The following DOK7 variants were observed in gnomAD, a reference collection of about 807,000 sequenced individuals.
DOK7 encodes docking protein 7.
DOK7 carries 32 observed loss-of-function variants against 30.7 expected under a neutral mutation model. That is an observed-to-expected ratio of 1.04 (90% CI 0.79 to 1.40). DOK7 has a LOEUF of 1.40. Ranked by LOEUF, DOK7 falls within the 40% of genes most tolerant of loss-of-function variation. The pLI, the probability that DOK7 is intolerant of heterozygous loss-of-function variation, is 0.00. For synonymous variants in DOK7, 447 were observed against 324.1 expected (o/e 1.38, Z -4.07); for missense variants, 1,007 against 699.2 (o/e 1.44, Z -4.97).
rs202184047 is a variant in DOK7, at chr4:3,468,722, G to A, written c.101-4684G>A. Among the ~76,000 whole-genome samples, 873 of 148,544 alleles carry A rather than the reference G, an allele frequency of 5.9e-3. 10 individuals are homozygous for A. Among genetic ancestry groups the A allele is most frequent in the African/African-American group, 0.019 (759 of 39,756 alleles). ...TCTGTGTATGTGTGTGTATGTGTGC[G>A]TGCCTGTATGTCTGCCTGTGTATGT... On this transcript the variant is annotated intron_variant, in intron 2 of 6. Coordinates refer to ENST00000340083, the MANE Select transcript of DOK7 (RefSeq NM_173660.5).
At chr4:3,468,903 GTC>G (rs750026768) in intron 2 of DOK7, among the ~76,000 whole-genome samples, 8 of 132,404 alleles carry the variant, frequency 6.0e-5, no homozygotes, top group Admixed American at 1.5e-4. Flanking sequence ...ATGTGTGCAT[GTC>G]TGTGTGTGTA....
At chr4:3,469,607 A>G (rs1398048645) in intron 2 of DOK7, among the ~76,000 whole-genome samples, 2 of 152,044 alleles carry the variant, frequency 1.3e-5, no homozygotes, top group Non-Finnish European at 1.5e-5. Flanking sequence ...GCCAGTGGCC[A>G]TCCACTCCTG....
At chr4:3,490,560 A>C (rs1728266615) in intron 6 of DOK7, among the ~76,000 whole-genome samples, 1 of 48,872 alleles carries the variant, frequency 2.0e-5, no homozygotes, top group Admixed American at 3.4e-4. Context: ...CCCCCTGCTC[A>C]TTCGTTTTTT....
chr4:3,467,502 C>T (rs1428324177), intron 2 of DOK7, among the ~76,000 whole-genome samples: 4 of 142,640 alleles, frequency 2.8e-5, no homozygotes, highest in African/African-American at 5.1e-5. Flanking sequence ...CAGGGCTCAT[C>T]CTGGATTCCT....
At position 3,492,872 on chromosome 4, in the gene DOK7, C is replaced by G; in HGVS notation, c.886C>G (p.Gln296Glu). The G allele has an allele frequency of 6.2e-7, 1 of 1,606,484 alleles. No individual in the cohort carries two copies. Among genetic ancestry groups the G allele is most frequent in the Non-Finnish European group, 8.5e-7 (1 of 1,177,772 alleles). ...EQSSSSASTS[Q>E]EGPRPAAAQA... Reference sequence around the variant, plus strand: ...ATCCTCGTCGTCAGCCAGCACGTCACAGGAGGGGCCTAGACCAGCAGCTGC... The same window carrying G: ...ATCCTCGTCGTCAGCCAGCACGTCAGAGGAGGGGCCTAGACCAGCAGCTGC... The change falls in exon 7 of 7, where the codon CAG becomes GAG. Residue 296 changes from glutamine to glutamate, a missense_variant. Transcript: ENST00000340083.
At chr4:3,489,947 C>T (rs1220695766) in intron 6 of DOK7, 151 bp downstream of exon 6, 5 of 1,256,726 alleles carry the variant, frequency 4.0e-6, no homozygotes, top group Admixed American at 2.5e-5. Flanking sequence ...CTTCCCCCAA[C>T]TCCCCGCCCC....
At position 3,493,378 on chromosome 4, in the gene DOK7, C is replaced by A; in HGVS notation, c.1392C>A (p.Ala464=). ...TGGAGGCCCCCCAGGGCAGCGAGGC[C>A]ACACTGCCTGGCCCTGCCCCTGGCG... is the stretch of plus-strand genomic sequence containing the variant. ...LVMEAPQGSE[A]TLPGPAPGEP... is the part of the protein sequence containing the mutation. The change falls in exon 7 of 7, where the codon GCC becomes GCA. Residue 464 remains alanine, a synonymous_variant. Transcript: ENST00000340083. 6.3e-7 allele frequency: 1 copy of A among 1,595,596 alleles called. No individual in the cohort carries two copies. The highest frequency in any genetic ancestry group is 1.7e-5 in the Admixed American group (1 of 57,348).
At chr4:3,495,542 C>T (rs1454780363), downstream of DOK7, among the ~76,000 whole-genome samples, 10 of 152,368 alleles carry the variant, frequency 6.6e-5, no homozygotes, top group African/African-American at 1.2e-4. Context: ...CGTGAGTGGG[C>T]CTCGCTCCGG....
downstream of DOK7, chr4:3,494,502 T>G: frequency 1.0e-6 from 1 of 985,558 alleles, no homozygotes; most frequent in Non-Finnish European, 1.2e-6. Context: ...CCTAGTCCGT[T>G]GCCCAGCCCT....
rs778725252 is a variant in DOK7 at position 3,493,317 on chromosome 4, C to G, written c.1331C>G (p.Ser444Cys). ...GGCCAGACGTCCGCCGGGTGTCCCT[C>G]TGGCTGGCTGGGCACGAGACGGCGG... ...SGGQTSAGCP[S>C]GWLGTRRRGL... is the part of the protein sequence containing the mutation. The change falls in exon 7 of 7, where the codon TCT becomes TGT. Residue 444 changes from serine to cysteine, a missense_variant. Transcript: ENST00000340083. The G allele has an allele frequency of 6.2e-7, 1 of 1,604,092 alleles. No homozygotes were observed. The highest frequency in any genetic ancestry group is 8.5e-7 in the Non-Finnish European group (1 of 1,175,720).
At chr4:3,500,128 G>A (rs1729118940) in intron 6 of DOK7, 1 of 1,216,926 alleles carries the variant, frequency 8.2e-7, no homozygotes. Flanking sequence ...GAACTTCCAA[G>A]GTGCAGGAGA....
chr4:3,464,300 CTG>C (rs1333784623), intron 2 of DOK7, among the ~76,000 whole-genome samples: 1 of 152,200 alleles, frequency 6.6e-6, no homozygotes, highest in Non-Finnish European at 1.5e-5. Context: ...GGACGGGTGT[CTG>C]TGACTCCCAG....
chr4:3,490,541 C>A (rs1435840072), intron 6 of DOK7, among the ~76,000 whole-genome samples: 23 of 90,862 alleles, frequency 2.5e-4, no homozygotes, highest in African/African-American at 7.5e-4. Context: ...TCATTCGTTC[C>A]TTCCTTCTCC....
At chr4:3,482,801 A>G (rs370359266) in intron 4 of DOK7, among the ~76,000 whole-genome samples, 1 of 152,188 alleles carries the variant, frequency 6.6e-6, no homozygotes, top group East Asian at 1.9e-4. Flanking sequence ...AAGGCCGAGC[A>G]CTGGGGGTCT....
chr4:3,470,044 A>G (rs930353697), intron 2 of DOK7, among the ~76,000 whole-genome samples: 1 of 148,966 alleles, frequency 6.7e-6, no homozygotes, highest in African/African-American at 2.5e-5. Flanking sequence ...TCACCCACTG[A>G]GTCCTGGGAG....
At chr4:3,500,999 G>A (rs1178460130) in exon 8 of DOK7, 4 of 1,040,464 alleles carry the variant, frequency 3.8e-6, no homozygotes, top group Non-Finnish European at 4.0e-6. Flanking sequence ...CAGGGCCCAC[G>A]GCCAGGCCTC....
intron 4 of DOK7, among the ~76,000 whole-genome samples, chr4:3,479,405 C>T (rs1460719906): frequency 6.6e-6 from 1 of 152,230 alleles, no homozygotes; most frequent in Non-Finnish European, 1.5e-5. Context: ...CAACTGGGGC[C>T]ACTGGGACGG....
At position 3,463,341 on chromosome 4, in the gene DOK7, G is replaced by C. The variant is rs754565565; in HGVS notation, c.-35G>C. The C allele has an allele frequency of 6.9e-6, 10 of 1,442,770 alleles. No homozygotes were observed. In the Admixed American group the frequency reaches 1.5e-4, roughly 22 times the overall value. The allele number at this position is 1,442,770 out of a possible 1,614,324, so 89.4% of individuals were successfully genotyped here. A position where few individuals can be genotyped will look rare whatever the true frequency, so the allele number is the denominator to read the frequency against. ...GAAAGTGACCCTGGGCTGGGGCGCC[G>C]GGGCGAGCGCGGCGGCGCGGAACCA... On this transcript the variant is annotated 5_prime_UTR_variant, in exon 1 of 7. Coordinates refer to ENST00000340083, the MANE Select transcript of DOK7 (RefSeq NM_173660.5).
chr4:3,496,883 C>G, downstream of DOK7: 1 of 1,532,430 alleles, frequency 6.5e-7, no homozygotes, highest in Admixed American at 2.0e-5. Flanking sequence ...GGAGCCAGTC[C>G]CCCAGAGCTC....
Sources: gnomAD v4.1 joint callset for allele counts (sites outside exome capture counted in the v4.1 genomes callset) on GRCh38, gnomAD v4.1.1 for gene constraint, MANE v1.5 for transcripts, NCBI Gene and HGNC (gene_info 2026-07-23, HGNC 2026-07-21) for gene names.